Variants in DLGAP2 observed in about 807,000 individuals in gnomAD.
DLGAP2 encodes DLG associated protein 2, also known as disks large-associated protein 2.
In DLGAP2, 26 loss-of-function variants were observed where a neutral mutation model predicts 100.3. That is an observed-to-expected ratio of 0.26 (90% CI 0.19 to 0.36). The LOEUF is 0.36. DLGAP2 is among the 10% of genes least tolerant of loss of function. The pLI, the probability that DLGAP2 is intolerant of heterozygous loss-of-function variation, is 1.00. For synonymous variants in DLGAP2, 886 were observed against 630.1 expected, an observed-to-expected ratio of 1.41 and a Z score of -6.08; for missense variants, 1,858 against 1,453.2, an observed-to-expected ratio of 1.28 and a Z score of -4.53.
intron 3 of DLGAP2, among the ~76,000 whole-genome samples, chr8:1,492,896 C>T (rs1427095531): frequency 6.6e-6 from 1 of 152,176 alleles, no homozygotes; most frequent in Non-Finnish European, 1.5e-5. Context: ...CCACACCTTT[C>T]CACACATCTT....
chr8:782,383 CATATT>C (rs1289101829), intron 1 of DLGAP2, among the ~76,000 whole-genome samples: 1 of 151,904 alleles, frequency 6.6e-6, no homozygotes, highest in Non-Finnish European at 1.5e-5. Flanking sequence ...GAATTGATGA[CATATT>C]ATATTAATAC....
intron 2 of DLGAP2, among the ~76,000 whole-genome samples, chr8:1,039,249 T>C (rs1204870517): frequency 6.7e-6 from 1 of 150,290 alleles, no homozygotes; most frequent in African/African-American, 2.5e-5. Flanking sequence ...TCGGTGTGCG[T>C]GGTCGTCTCA....
chr8:1,672,893 G>A (rs1048632812), intron 10 of DLGAP2, among the ~76,000 whole-genome samples: 3 of 152,218 alleles, frequency 2.0e-5, no homozygotes, highest in African/African-American at 7.2e-5. Context: ...TGAGCTTGTT[G>A]GGAGAGCAAA....
chr8:1,641,802 T>A (rs1341223743), intron 8 of DLGAP2, among the ~76,000 whole-genome samples: 1 of 152,154 alleles, frequency 6.6e-6, no homozygotes, highest in Non-Finnish European at 1.5e-5. Flanking sequence ...AGTAGGTGAA[T>A]AAATTAGTCA....
intron 2 of DLGAP2, among the ~76,000 whole-genome samples, chr8:1,198,744 C>T (rs1184862863): frequency 6.6e-6 from 1 of 152,198 alleles, no homozygotes; most frequent in Admixed American, 6.5e-5. Flanking sequence ...GGGAAGGTGT[C>T]CTTTGGCAAG....
At chr8:1,243,046 G>A (rs953779722) in intron 2 of DLGAP2, among the ~76,000 whole-genome samples, 6 of 152,200 alleles carry the variant, frequency 3.9e-5, no homozygotes, top group Non-Finnish European at 8.8e-5. Flanking sequence ...AAACTTGCCA[G>A]CTCCCTCCTT....
At chr8:1,513,866 C>T (rs1031628494) in intron 4 of DLGAP2, among the ~76,000 whole-genome samples, 26 of 151,908 alleles carry the variant, frequency 1.7e-4, no homozygotes, top group African/African-American at 6.3e-4. Flanking sequence ...GGCGGTCGAA[C>T]CTCAGACCCA....
intron 1 of DLGAP2, among the ~76,000 whole-genome samples, chr8:897,503 A>T (rs1478406600): frequency 6.6e-6 from 1 of 152,236 alleles, no homozygotes; most frequent in Admixed American, 6.5e-5. Context: ...GACTAGCTGG[A>T]CGTTATTTTA....
At chr8:1,111,516 G>A (rs890461401) in intron 2 of DLGAP2, among the ~76,000 whole-genome samples, 5 of 151,902 alleles carry the variant, frequency 3.3e-5, no homozygotes. Context: ...AATTAAGCCC[G>A]CTACTCAATA....
chr8:1,094,337 C>A (rs752323703), intron 2 of DLGAP2, among the ~76,000 whole-genome samples: 1 of 152,238 alleles, frequency 6.6e-6, no homozygotes, highest in Admixed American at 6.5e-5. Flanking sequence ...TTCCAATCCA[C>A]TAACGGAGTT....
intron 2 of DLGAP2, among the ~76,000 whole-genome samples, chr8:1,039,446 G>A (rs1313496804): frequency 6.8e-6 from 1 of 147,460 alleles, no homozygotes; most frequent in African/African-American, 2.5e-5. Context: ...CTCGGTGTGT[G>A]TGGTTGGCTC....
chr8:742,112 T>C (rs73523279), intron 1 of DLGAP2, among the ~76,000 whole-genome samples: 6,974 of 152,272 alleles, frequency 0.046, 543 homozygotes, highest in African/African-American at 0.16. Flanking sequence ...GAGTTTTCTG[T>C]CCCTGACAAG....
intron 2 of DLGAP2, among the ~76,000 whole-genome samples, chr8:1,165,273 C>CAG (rs1193836547): frequency 2.0e-5 from 3 of 151,164 alleles, no homozygotes; most frequent in Admixed American, 6.6e-5. Context: ...AGAAGGGAGA[C>CAG]AGAGACAGAG....
intron 4 of DLGAP2, among the ~76,000 whole-genome samples, chr8:1,509,426 G>T (rs2130364979): frequency 6.6e-6 from 1 of 152,174 alleles, no homozygotes; most frequent in East Asian, 1.9e-4. Context: ...GTGTGTGCGT[G>T]TGGGTGTGTG....
intron 2 of DLGAP2, among the ~76,000 whole-genome samples, chr8:995,267 T>G (rs1800753572): frequency 6.6e-6 from 1 of 152,214 alleles, no homozygotes; most frequent in Admixed American, 6.5e-5. Context: ...GTGTTGCACT[T>G]AGAATAAGCA....
At chr8:1,350,341 GT>G (rs1801685897) in intron 3 of DLGAP2, among the ~76,000 whole-genome samples, 1 of 97,706 alleles carries the variant, frequency 1.0e-5, no homozygotes, top group Non-Finnish European at 2.1e-5. Context: ...GGCCGTGCGG[GT>G]CCTGACAGTG....
intron 4 of DLGAP2, among the ~76,000 whole-genome samples, chr8:1,541,857 C>A (rs140127271): frequency 1.3e-5 from 2 of 152,310 alleles, no homozygotes; most frequent in African/African-American, 4.8e-5. Context: ...AGAACAGAAA[C>A]GTGTACAATG....
intron 4 of DLGAP2, among the ~76,000 whole-genome samples, chr8:1,543,156 T>C (rs1801419375): frequency 6.6e-6 from 1 of 152,256 alleles, no homozygotes; most frequent in African/African-American, 2.4e-5. Context: ...GTGGATGGCC[T>C]TTGCATTTTT....
intron 3 of DLGAP2, among the ~76,000 whole-genome samples, chr8:1,416,555 A>G (rs552459909): frequency 2.0e-5 from 3 of 152,084 alleles, no homozygotes; most frequent in African/African-American, 7.2e-5. Flanking sequence ...CTGAACCAGA[A>G]CCCCTCTGCC....
Sources: allele counts gnomAD v4.1 joint callset (sites outside exome capture counted in the v4.1 genomes callset), GRCh38; gene constraint gnomAD v4.1.1; transcripts MANE v1.5; gene names NCBI Gene and HGNC (gene_info 2026-07-23, HGNC 2026-07-21).